The following ATPAF2 variants were observed in gnomAD, a reference collection of about 807,000 sequenced individuals.
ATPAF2 encodes the protein ATP12 homolog.
A neutral mutation model predicts 36.6 loss-of-function variants in ATPAF2; 30 were observed. The ratio of observed to expected loss-of-function variants is 0.82; its 90% CI spans 0.61 to 1.11. The LOEUF is 1.11. Among genes scored for constraint, ATPAF2 ranks in the 50% most tolerant of loss-of-function variants. The pLI is 0.00. For synonymous variants in ATPAF2, 140 were observed against 152.6 expected (o/e 0.92, Z 0.61); for missense variants, 321 against 372.3 (o/e 0.86, Z 1.13).
At chr17:18,035,847 C>T (rs980046524) in intron 1 of ATPAF2, among the ~76,000 whole-genome samples, 1 of 152,200 alleles carries the variant, frequency 6.6e-6, no homozygotes, top group Admixed American at 6.5e-5. Context: ...GCTAATGCCT[C>T]GGAGGTGATA....
intron 1 of ATPAF2, 144 bp downstream of exon 1, chr17:18,038,737 T>G: frequency 1.7e-6 from 2 of 1,205,506 alleles, no homozygotes; most frequent in Non-Finnish European, 2.4e-6. Flanking sequence ...GGCTTCACTT[T>G]CTCATCTGTA....
intron 1 of ATPAF2, among the ~76,000 whole-genome samples, chr17:18,030,525 A>C (rs1018714893): frequency 6.7e-6 from 1 of 150,072 alleles, no homozygotes; most frequent in Non-Finnish European, 1.5e-5. Flanking sequence ...AAAAAAAAAA[A>C]AAAAAAAAAA....
intron 3 of ATPAF2, chr17:18,027,896 A>G (rs1270391004): frequency 8.2e-6 from 3 of 365,560 alleles, no homozygotes; most frequent in African/African-American, 6.2e-5. Context: ...GTGCAAACAT[A>G]AAACAATTAT....
At chr17:18,015,989 CT>C (rs1313820299), downstream of ATPAF2, 2 of 1,542,244 alleles carry the variant, frequency 1.3e-6, no homozygotes, top group African/African-American at 2.7e-5. Flanking sequence ...CCAAATGCTC[CT>C]TCTCTGTTCA....
Position 18,018,404 on chromosome 17 carries a change from T to G in ATPAF2, c.*145A>C, listed in dbSNP as rs1274986429. On this transcript the variant is annotated 3_prime_UTR_variant, in exon 8 of 8. Coordinates refer to ENST00000474627, the MANE Select transcript of ATPAF2 (RefSeq NM_145691.4). The stretch of plus-strand genomic sequence containing the variant: ...CCTCCGGACAGCCGTACTAGCGCAC[T>G]GTGTCTCGGGGGGAATCTCAGGGTG... The G allele has an allele frequency of 8.3e-7, 1 of 1,200,216 alleles. No homozygotes were observed. The allele number at this position is 1,200,216 out of a possible 1,614,324, so 74.3% of individuals were successfully genotyped here.
At chr17:18,020,822 G>A (rs77426647) in intron 7 of ATPAF2, 2 of 368,756 alleles carry the variant, frequency 5.4e-6, no homozygotes, top group Non-Finnish European at 9.6e-6. Flanking sequence ...GAGACTACAG[G>A]TGCTAATTTT....
At chr17:18,034,169 G>A (rs1457790500) in intron 1 of ATPAF2, among the ~76,000 whole-genome samples, 1 of 152,054 alleles carries the variant, frequency 6.6e-6, no homozygotes, top group East Asian at 1.9e-4. Flanking sequence ...CTGAGAGACC[G>A]AGGTGGGAAG....
chr17:18,021,977 G>A (rs2044476696), intron 5 of ATPAF2, 120 bp from the exon 6 acceptor site: 1 of 867,042 alleles, frequency 1.2e-6, no homozygotes. Context: ...CAAGGAGCTA[G>A]TCTTGACTAC....
intron 7 of ATPAF2, among the ~76,000 whole-genome samples, chr17:18,019,185 A>ACACACACG (rs1313379853): frequency 1.4e-5 from 2 of 146,238 alleles, no homozygotes; most frequent in Non-Finnish European, 3.0e-5. Context: ...ACACACACAC[A>ACACACACG]CCCCACCACC....
chr17:18,024,641 G>A lies in ATPAF2; in HGVS notation c.486C>T (p.Ile162=), dbSNP rs142623242. The A allele has an allele frequency of 8.1e-6, 13 of 1,613,696 alleles. No homozygotes were observed. The highest frequency in any genetic ancestry group is 1.3e-5 in the African/African-American group (1 of 74,870). The part of the protein sequence containing the change: ...ELQRNEWDPI[I]EWAEKRYGVE... Reference sequence around the variant, plus strand: ...CATCTTACCTTTTCTCAGCCCATTCGATGATTGGATCCCACTCATTCCTTT... The same window carrying A: ...CATCTTACCTTTTCTCAGCCCATTCAATGATTGGATCCCACTCATTCCTTT... Residue 162 remains isoleucine (I), a synonymous_variant, in exon 5 of 8, where the codon ATC becomes ATT. Coordinates refer to ENST00000474627, the MANE Select transcript of ATPAF2 (RefSeq NM_145691.4).
At chr17:18,017,582 C>A (rs1293926203), downstream of ATPAF2, among the ~76,000 whole-genome samples, 1 of 152,262 alleles carries the variant, frequency 6.6e-6, no homozygotes, top group African/African-American at 2.4e-5. Flanking sequence ...GTCACCCCCG[C>A]AGCCCTGGTG....
At chr17:18,031,628 A>C (rs1256121739) in intron 1 of ATPAF2, among the ~76,000 whole-genome samples, 1 of 151,944 alleles carries the variant, frequency 6.6e-6, no homozygotes, top group African/African-American at 2.4e-5. Flanking sequence ...AAAATACAAA[A>C]AATTAGCCGG....
chr17:18,021,926 G>T, intron 5 of ATPAF2, 69 bp from the exon 6 acceptor site: 2 of 1,342,014 alleles, frequency 1.5e-6, no homozygotes, highest in Non-Finnish European at 2.1e-6. Flanking sequence ...CTTTTGACTA[G>T]AAACAAAGGC....
At chr17:18,026,843 C>G (rs2044553331) in intron 3 of ATPAF2, 1 of 209,744 alleles carries the variant, frequency 4.8e-6, no homozygotes, top group South Asian at 8.0e-5. Flanking sequence ...AGTGATGGAG[C>G]TCAAATCTGA....
At chr17:18,015,227 C>T (rs569105974), downstream of ATPAF2, 5 of 152,254 alleles carry the variant, frequency 3.3e-5, no homozygotes, top group East Asian at 1.9e-4. Flanking sequence ...TTGCACAGAA[C>T]GTTTTAGAGA....
At chr17:18,024,836 C>A (rs1187922086) in intron 4 of ATPAF2, 132 bp from the exon 5 acceptor site, 1 of 767,754 alleles carries the variant, frequency 1.3e-6, no homozygotes, top group Non-Finnish European at 2.2e-6. Context: ...AGTCTTTTCC[C>A]CTAAAGCAGT....
intron 5 of ATPAF2, 78 bp from the exon 6 acceptor site, chr17:18,021,935 G>T: frequency 7.9e-7 from 1 of 1,267,210 alleles, no homozygotes; most frequent in Non-Finnish European, 1.2e-6. Context: ...AGAAACAAAG[G>T]CCTAAGCTTC....
downstream of ATPAF2, chr17:18,016,119 ACCT>A: frequency 6.2e-7 from 1 of 1,613,900 alleles, no homozygotes; most frequent in Non-Finnish European, 8.5e-7. Flanking sequence ...CACGACATCC[ACCT>A]CCTGAAGATT....
chr17:18,033,774 T>G (rs2044669248), intron 1 of ATPAF2, among the ~76,000 whole-genome samples: 1 of 152,078 alleles, frequency 6.6e-6, no homozygotes, highest in Non-Finnish European at 1.5e-5. Context: ...TCTTTTCAGG[T>G]ATCAAAATTC....
Sources: gnomAD v4.1 joint callset for allele counts (sites outside exome capture counted in the v4.1 genomes callset) on GRCh38, gnomAD v4.1.1 for gene constraint, MANE v1.5 for transcripts, NCBI Gene and HGNC (gene_info 2026-07-23, HGNC 2026-07-21) for gene names.